The following COL24A1 variants were observed in gnomAD, a reference collection of about 807,000 sequenced individuals.
COL24A1 encodes the protein collagen type XXIV alpha 1 chain.
COL24A1 carries 224 observed loss-of-function variants against 253.9 expected under a neutral mutation model. That is an observed-to-expected ratio of 0.88 (90% CI 0.79 to 0.99). COL24A1 has a LOEUF of 0.99. Ranked by LOEUF, COL24A1 falls within the 50% of genes least tolerant of loss-of-function variation. COL24A1 has a pLI of 0.00. For missense variants in COL24A1, 2,131 were observed against 2,068.5 expected (o/e 1.03, Z -0.59); for synonymous variants, 685 against 673.7 (o/e 1.02, Z -0.26).
chr1:86,070,964 T>C (rs1244112983), intron 7 of COL24A1, among the ~76,000 whole-genome samples: 1 of 152,158 alleles, frequency 6.6e-6, no homozygotes, highest in East Asian at 1.9e-4. Flanking sequence ...AATGGTGGTG[T>C]GTAAACTTCT....
rs1426696216 is a variant in COL24A1 at position 86,123,350 on chromosome 1, A to G, written c.1491+1495T>C. ...CTCCATCAAAAAATACTATTTTTTT[A>G]ACCTTTGAACATCTCTAGCCCATAC... On this transcript the variant is annotated intron_variant, in intron 3 of 59. Transcript: ENST00000370571. 2.2e-4 allele frequency among the ~76,000 whole-genome samples: 34 copies of G among 152,058 alleles called. No homozygotes were observed. In the South Asian group the frequency reaches 2.7e-3, roughly 12 times the overall value.
chr1:85,983,447 G>C (rs990547499), intron 20 of COL24A1, among the ~76,000 whole-genome samples: 1 of 151,840 alleles, frequency 6.6e-6, no homozygotes, highest in Non-Finnish European at 1.5e-5. Context: ...CCTACTTTGA[G>C]GTTTTTAGTG....
chr1:86,122,882 A>G (rs1460044667), intron 3 of COL24A1, among the ~76,000 whole-genome samples: 2 of 152,002 alleles, frequency 1.3e-5, no homozygotes, highest in Non-Finnish European at 2.9e-5. Context: ...AAACCTACAA[A>G]ATTCCCCTTT....
chr1:86,006,398 G>A (rs977346804), intron 19 of COL24A1, among the ~76,000 whole-genome samples: 9 of 152,188 alleles, frequency 5.9e-5, no homozygotes, highest in African/African-American at 2.2e-4. Context: ...AGCGAAGGCA[G>A]TACAATGGAG....
At chr1:85,869,616 G>C (rs368011755) in intron 35 of COL24A1, among the ~76,000 whole-genome samples, 1 of 152,106 alleles carries the variant, frequency 6.6e-6, no homozygotes, top group African/African-American at 2.4e-5. Flanking sequence ...AAGTGAAGGA[G>C]AAATAAAATC....
chr1:86,139,943 T>C (rs546118411), intron 2 of COL24A1, among the ~76,000 whole-genome samples: 1 of 152,306 alleles, frequency 6.6e-6, no homozygotes, highest in East Asian at 1.9e-4. Flanking sequence ...GAATCAAGAC[T>C]CAAATACAGC....
chr1:85,868,110 T>C (rs532477079), intron 37 of COL24A1, among the ~76,000 whole-genome samples: 1 of 152,284 alleles, frequency 6.6e-6, no homozygotes, highest in East Asian at 1.9e-4. Context: ...AGAACTTCCT[T>C]TGAAGTAATA....
intron 37 of COL24A1, among the ~76,000 whole-genome samples, chr1:85,867,768 G>A (rs1570986089): frequency 1.3e-5 from 2 of 151,908 alleles, no homozygotes; most frequent in Admixed American, 1.3e-4. Context: ...TTTTTGAGAT[G>A]GAGTCTCACT....
chr1:86,153,695 A>C (rs1256522793), intron 1 of COL24A1, among the ~76,000 whole-genome samples: 1 of 152,236 alleles, frequency 6.6e-6, no homozygotes, highest in African/African-American at 2.4e-5. Context: ...TATTTTAAAA[A>C]TTTATTTGAA....
chr1:85,994,308 T>G (rs1449125457), intron 19 of COL24A1, among the ~76,000 whole-genome samples: 1 of 151,910 alleles, frequency 6.6e-6, no homozygotes, highest in East Asian at 1.9e-4. Context: ...GAATATATAG[T>G]TTATATTCAA....
At chr1:85,780,375 C>T (rs72950633) in intron 52 of COL24A1, among the ~76,000 whole-genome samples, 4,848 of 149,464 alleles carry the variant, frequency 0.032, 267 homozygotes, top group African/African-American at 0.11. Flanking sequence ...CTCAATTTGA[C>T]CCTTTCTACT....
At chr1:85,895,935 G>A (rs1335824186) in intron 30 of COL24A1, 33 bp from the exon 31 acceptor site, 4 of 1,604,720 alleles carry the variant, frequency 2.5e-6, no homozygotes, top group East Asian at 4.5e-5. Context: ...GAGTCAAGTA[G>A]TCCCCTCCAA....
intron 2 of COL24A1, among the ~76,000 whole-genome samples, chr1:86,130,290 GT>G (rs1376661481): frequency 5.9e-5 from 9 of 151,726 alleles, no homozygotes; most frequent in African/African-American, 2.2e-4. Context: ...GATTGTATTT[GT>G]TTTTTGATCC....
At chr1:86,104,225 A>G (rs1362413550) in intron 5 of COL24A1, among the ~76,000 whole-genome samples, 1 of 151,946 alleles carries the variant, frequency 6.6e-6, no homozygotes, top group Non-Finnish European at 1.5e-5. Context: ...CAGCTCTATG[A>G]GATCAGTTAC....
intron 37 of COL24A1, among the ~76,000 whole-genome samples, chr1:85,858,438 C>A (rs527979072): frequency 6.6e-6 from 1 of 152,078 alleles, no homozygotes. Flanking sequence ...AGGGCCTTTG[C>A]GTTAGATATT....
intron 24 of COL24A1, among the ~76,000 whole-genome samples, chr1:85,949,797 T>A (rs569618984): frequency 6.6e-6 from 1 of 152,294 alleles, no homozygotes; most frequent in Admixed American, 6.5e-5. Context: ...ATGATCTCCT[T>A]ACGCTACAGG....
At position 86,031,910 on chromosome 1, in the gene COL24A1, C is replaced by T. The variant is rs756126670; in HGVS notation, c.2017G>A (p.Gly673Ser). 45 of 1,608,530 alleles carry T rather than the reference C, an allele frequency of 2.8e-5. No individual in the cohort carries two copies. Among genetic ancestry groups the T allele is most frequent in the Middle Eastern group, 1.6e-4 (1 of 6,062 alleles). The change falls in exon 14 of 60, where the codon GGC (glycine) becomes AGC (serine). Residue 673 changes from glycine (G) to serine (S), a missense_variant. Physicochemically the swap from Gly to Ser is moderately conservative, Grantham distance 56. Coordinates refer to ENST00000370571, the MANE Select transcript of COL24A1 (RefSeq NM_152890.7). Reference protein sequence around the residue: ...GLDGSPGLVGGTGPPGFPGLR... With the variant: ...GLDGSPGLVGSTGPPGFPGLR... ...CCAGGAAACCCCGGAGGACCAGTGC[C>T]ACCTACAAGTCCCTATTGTAAAAGA...
At chr1:86,009,963 G>A (rs549867413) in intron 19 of COL24A1, among the ~76,000 whole-genome samples, 1 of 149,064 alleles carries the variant, frequency 6.7e-6, no homozygotes, top group African/African-American at 2.5e-5. Context: ...TGATACTGAA[G>A]CAAAGACAGA....
At position 85,895,779 on chromosome 1, in the gene COL24A1, CA is replaced by C. The variant is rs544211985; in HGVS notation, c.2922+78del. On this transcript the variant is annotated intron_variant, in intron 31 of 59. Transcript: ENST00000370571. The stretch of plus-strand genomic sequence containing the variant: ...AATTTTTATGTGTCAAAAAATCCCC[CA>C]AACATTGTTTGAGCAGCCCCTTTCC... 1.7e-4 allele frequency: 196 copies of C among 1,158,354 alleles called. No individual in the cohort carries two copies. The African/African-American group carries it at 2.5e-3, about 15-fold the overall frequency. The allele number at this position is 1,158,354 out of a possible 1,614,324, so 71.8% of individuals were successfully genotyped here.
Sources: allele counts gnomAD v4.1 joint callset (sites outside exome capture counted in the v4.1 genomes callset), GRCh38; gene constraint gnomAD v4.1.1; transcripts MANE v1.5; gene names NCBI Gene and HGNC (gene_info 2026-07-23, HGNC 2026-07-21).